Variants in PDSS2 observed in about 807,000 individuals in gnomAD.
PDSS2 encodes all trans-polyprenyl-diphosphate synthase PDSS2.
In PDSS2, 31 loss-of-function variants were observed where a neutral mutation model predicts 44.5. The observed-to-expected ratio is 0.70, with a 90% CI of 0.52 to 0.94. The LOEUF (loss-of-function observed/expected upper bound fraction) is 0.94. Among genes scored for constraint, PDSS2 ranks in the 40% least tolerant of loss-of-function variants. PDSS2 has a pLI of 0.00. For missense variants in PDSS2, 452 were observed against 482.2 expected, an observed-to-expected ratio of 0.94 and a Z score of 0.59; for synonymous variants, 157 against 180.3, an observed-to-expected ratio of 0.87 and a Z score of 1.03.
At chr6:107,299,110 A>G (rs1582909811) in intron 2 of PDSS2, among the ~76,000 whole-genome samples, 2 of 137,644 alleles carry the variant, frequency 1.5e-5, no homozygotes, top group East Asian at 4.8e-4. Flanking sequence ...TCGTATCACT[A>G]CACTCCAGTC....
intron 1 of PDSS2, among the ~76,000 whole-genome samples, chr6:107,335,374 T>C (rs1777853539): frequency 6.6e-6 from 1 of 152,132 alleles, no homozygotes; most frequent in African/African-American, 2.4e-5. Flanking sequence ...AGTGATACTA[T>C]TTGGTGATGA....
intron 3 of PDSS2, among the ~76,000 whole-genome samples, chr6:107,264,782 T>G (rs1184273174): frequency 6.6e-6 from 1 of 152,208 alleles, no homozygotes; most frequent in South Asian, 2.1e-4. Context: ...GTCTCACTGA[T>G]AGCTTGCTGC....
chr6:107,318,009 T>C (rs1777254282), intron 2 of PDSS2, among the ~76,000 whole-genome samples: 1 of 152,158 alleles, frequency 6.6e-6, no homozygotes. Flanking sequence ...TTGTACTCAT[T>C]AATAAGATGC....
chr6:107,390,932 T>C (rs781682234), intron 1 of PDSS2, among the ~76,000 whole-genome samples: 2 of 151,938 alleles, frequency 1.3e-5, no homozygotes. Flanking sequence ...TAGTAATAAA[T>C]GAAAAATCTA....
In PDSS2 at chr6:107,283,751, G is replaced by T. The variant is rs141042210; in HGVS notation, c.432-9524C>A. On this transcript the variant is annotated intron_variant, in intron 2 of 7. Coordinates refer to ENST00000369037, the MANE Select transcript of PDSS2 (RefSeq NM_020381.4). ...ATAAATAAATAAATAAATAAAAATA[G>T]GACGGGTGTGGTGGCTCACGCCTGT... 1.0e-3 allele frequency among the ~76,000 whole-genome samples: 155 copies of T among 150,878 alleles called. No homozygotes were observed. The South Asian group carries it at 0.014, about 13-fold the overall frequency.
At chr6:107,426,741 T>C (rs923584186) in intron 1 of PDSS2, among the ~76,000 whole-genome samples, 6 of 152,150 alleles carry the variant, frequency 3.9e-5, no homozygotes, top group Non-Finnish European at 7.3e-5. Flanking sequence ...GGAGATTATT[T>C]TGGAGTTTTA....
At chr6:107,412,785 T>C (rs1312730021) in intron 1 of PDSS2, among the ~76,000 whole-genome samples, 1 of 152,222 alleles carries the variant, frequency 6.6e-6, no homozygotes, top group Non-Finnish European at 1.5e-5. Flanking sequence ...AATTCTCCTC[T>C]GGTTTCATTT....
chr6:107,155,117 G>C, intron 7 of PDSS2, among the ~76,000 whole-genome samples: 1 of 149,444 alleles, frequency 6.7e-6, no homozygotes, highest in African/African-American at 2.4e-5. Flanking sequence ...CTGGCATTTT[G>C]AATTCAGCAG....
At chr6:107,349,932 T>C (rs1040063329) in intron 1 of PDSS2, among the ~76,000 whole-genome samples, 13 of 152,228 alleles carry the variant, frequency 8.5e-5, no homozygotes, top group African/African-American at 3.1e-4. Flanking sequence ...ATACATTGCA[T>C]TTAGTTGCCA....
chr6:107,301,113 T>G (rs1776680071), intron 2 of PDSS2, among the ~76,000 whole-genome samples: 2 of 152,230 alleles, frequency 1.3e-5, no homozygotes, highest in Admixed American at 6.5e-5. Flanking sequence ...GTGATGAAAT[T>G]TGAAAGAATG....
At chr6:107,233,177 T>C (rs4946826) in intron 4 of PDSS2, among the ~76,000 whole-genome samples, 35,334 of 152,038 alleles carry the variant, frequency 0.23, 4,281 homozygotes, top group East Asian at 0.38. Flanking sequence ...TAAAATTACA[T>C]CTTCCAAGAA....
At chr6:107,222,170 C>T (rs141217850) in intron 4 of PDSS2, among the ~76,000 whole-genome samples, 107 of 152,162 alleles carry the variant, frequency 7.0e-4, no homozygotes, top group African/African-American at 2.4e-3. Flanking sequence ...CAAAAATTTA[C>T]ATACCTTATT....
Position 107,459,314 on chromosome 6 carries a change from G to A in PDSS2, c.-29C>T. The A allele has an allele frequency of 6.2e-7, 1 of 1,604,106 alleles. No homozygotes were observed. Among genetic ancestry groups the A allele is most frequent in the Non-Finnish European group, 8.5e-7 (1 of 1,172,298 alleles). ...TTGAGTCTGGAAGGGTCTGGGACCT[G>A]GGGGTATCCAGAAGTGCCGCGGGAA... On this transcript the variant is annotated 5_prime_UTR_variant, in exon 1 of 8. Transcript: ENST00000369037. The surrounding 1 kb of genome is among the most constrained non-coding windows in gnomAD (Gnocchi z 4.3).
chr6:107,377,965 A>G (rs1054128359), intron 1 of PDSS2, among the ~76,000 whole-genome samples: 1 of 151,916 alleles, frequency 6.6e-6, no homozygotes, highest in African/African-American at 2.4e-5. Flanking sequence ...GCAGCACACC[A>G]GCATGGCACA....
intron 7 of PDSS2, among the ~76,000 whole-genome samples, chr6:107,188,859 A>C (rs1368378097): frequency 2.0e-5 from 3 of 152,166 alleles, no homozygotes; most frequent in Non-Finnish European, 4.4e-5. Context: ...TGTCAGCACT[A>C]TGCTTCTCGT....
intron 1 of PDSS2, among the ~76,000 whole-genome samples, chr6:107,426,066 A>G (rs1181565973): frequency 6.6e-6 from 1 of 152,228 alleles, no homozygotes; most frequent in Admixed American, 6.5e-5. Context: ...ACAATGGGAA[A>G]AATGTCTCCA....
At chr6:107,454,004 T>C (rs1229250217) in intron 1 of PDSS2, among the ~76,000 whole-genome samples, 5 of 152,078 alleles carry the variant, frequency 3.3e-5, no homozygotes, top group African/African-American at 1.2e-4. Flanking sequence ...GTAAATATCT[T>C]TTGTGTCAAC....
At position 107,360,555 on chromosome 6, in the gene PDSS2, A is replaced by C. The variant is rs1052019261; in HGVS notation, c.297-26223T>G. Among the ~76,000 whole-genome samples, 5 of 140,636 alleles carry C rather than the reference A, an allele frequency of 3.6e-5. No homozygotes were observed. In the South Asian group the frequency reaches 1.3e-3, roughly 35 times the overall value. The allele number at this position is 140,636 out of a possible 152,430, so 92.3% of individuals were successfully genotyped here. A position where few individuals can be genotyped will look rare whatever the true frequency, so the allele number is the denominator to read the frequency against. Reference sequence around the variant, plus strand: ...GAACCTTCTCTGCTTCTAGAAGCCTACAAGCTCTGCATTAAAAACCAACAA... The same window carrying C: ...GAACCTTCTCTGCTTCTAGAAGCCTCCAAGCTCTGCATTAAAAACCAACAA... On this transcript the variant is annotated intron_variant, in intron 1 of 7. Transcript: ENST00000369037.
intron 2 of PDSS2, among the ~76,000 whole-genome samples, chr6:107,292,225 A>T (rs928563289): frequency 2.8e-5 from 2 of 71,104 alleles, no homozygotes; most frequent in Admixed American, 3.1e-4. Flanking sequence ...TACTTCAATT[A>T]AAAAAAAAAA....
Sources: gnomAD v4.1 joint callset for allele counts (sites outside exome capture counted in the v4.1 genomes callset) on GRCh38, gnomAD v4.1.1 for gene constraint, Gnocchi (gnomAD v3.1) non-coding constraint, MANE v1.5 for transcripts, NCBI Gene and HGNC (gene_info 2026-07-23, HGNC 2026-07-21) for gene names.